The following ELF1 variants were observed in gnomAD, a reference collection of about 807,000 sequenced individuals.
ELF1 encodes the protein ETS-related transcription factor Elf-1.
A neutral mutation model predicts 59.9 loss-of-function variants in ELF1; 24 were observed. That is an observed-to-expected ratio of 0.40 (90% CI 0.29 to 0.56). ELF1 has a LOEUF of 0.56. Among genes scored for constraint, ELF1 ranks in the 20% least tolerant of loss-of-function variants. The pLI is 0.44. For synonymous variants in ELF1, 248 were observed against 266.2 expected (o/e 0.93, Z 0.67); for missense variants, 627 against 742.2 (o/e 0.84, Z 1.80).
chr13:40,972,296 A>G (rs1416628549), intron 2 of ELF1, among the ~76,000 whole-genome samples: 5 of 152,198 alleles, frequency 3.3e-5, no homozygotes, highest in African/African-American at 4.8e-5. Flanking sequence ...AAAAAAACTG[A>G]ACAACGCCAG....
Position 40,953,503 on chromosome 13 carries a change from T to A in ELF1, c.254-2067A>T, listed in dbSNP as rs139382967. 8.9e-3 allele frequency among the ~76,000 whole-genome samples: 1,349 copies of A among 152,236 alleles called. 16 individuals carry two copies. The highest frequency in any genetic ancestry group is 0.015 in the South Asian group (74 of 4,826). On this transcript the variant is annotated intron_variant, in intron 3 of 8. Coordinates refer to ENST00000239882, the MANE Select transcript of ELF1 (RefSeq NM_172373.4). ...CCATGTGAAGACACTGGAAGACAAG[T>A]CACCTATAAGTCCAGAAAGAAGCCT... is the stretch of plus-strand genomic sequence containing the variant.
chr13:40,953,447 A>G (rs1870990965), intron 3 of ELF1, among the ~76,000 whole-genome samples: 1 of 152,216 alleles, frequency 6.6e-6, no homozygotes. Context: ...CTAAGATGAA[A>G]TATGAACACT....
chr13:41,044,948 A>G (rs1204296373), intron 1 of ELF1, among the ~76,000 whole-genome samples: 1 of 152,076 alleles, frequency 6.6e-6, no homozygotes, highest in Admixed American at 6.5e-5. Context: ...TTGGTAGGCT[A>G]TTAATTATTT....
At chr13:41,052,975 T>G (rs987533175) in intron 1 of ELF1, among the ~76,000 whole-genome samples, 3 of 152,220 alleles carry the variant, frequency 2.0e-5, no homozygotes, top group African/African-American at 7.2e-5. Flanking sequence ...ATATTTACTT[T>G]GAAAAAGTTA....
intron 2 of ELF1, among the ~76,000 whole-genome samples, chr13:40,968,738 T>TA (rs1566175328): frequency 6.6e-6 from 1 of 151,464 alleles, no homozygotes; most frequent in African/African-American, 2.4e-5. Context: ...TTTTTTTTTT[T>TA]AGACAGGGTC....
At chr13:40,986,941 T>C (rs867032436) in intron 1 of ELF1, among the ~76,000 whole-genome samples, 7 of 145,810 alleles carry the variant, frequency 4.8e-5, no homozygotes, top group East Asian at 2.0e-4. Context: ...ATTGCTCTTT[T>C]TTTTTTTTTT....
chr13:40,995,026 C>T (rs566855545), intron 1 of ELF1, among the ~76,000 whole-genome samples: 2 of 152,252 alleles, frequency 1.3e-5, no homozygotes, highest in Admixed American at 1.3e-4. Flanking sequence ...TCCCCCACCT[C>T]CAATTCCCAC....
chr13:40,949,844 G>C lies in ELF1; in HGVS notation c.491C>G (p.Pro164Arg). Residue 164 changes from proline (P) to arginine (R), a missense_variant, in exon 5 of 9, where the codon CCG (proline) becomes CGG (arginine). By Grantham distance (103) the Pro-to-Arg change is moderately radical. Around this residue, in one of 3 missense-constraint regions of ELF1, gnomAD observed 232 missense variants for 269.2 expected, o/e 0.86. Transcript: ENST00000239882. ...AGGCTGTTCTGGTGATGAGGCTCCCGGTGAGTCTGCATATTTTTCTTGCAC... is the reference window on the plus strand; with the variant it reads ...AGGCTGTTCTGGTGATGAGGCTCCCCGTGAGTCTGCATATTTTTCTTGCAC... ...QQVQEKYADS[P>R]GASSPEQPKR... 1.2e-6 allele frequency: 2 copies of C among 1,613,954 alleles called. No homozygotes were observed. The highest frequency in any genetic ancestry group is 1.7e-5 in the Admixed American group (1 of 60,002).
chr13:40,933,486 T>C lies in ELF1; in HGVS notation c.1799A>G (p.Asn600Ser), dbSNP rs777380082. Residue 600 changes from asparagine (N) to serine (S), a missense_variant, in exon 9 of 9, where the codon AAT becomes AGT. Around this residue, in one of 3 missense-constraint regions of ELF1, gnomAD observed 361 missense variants for 396.1 expected, o/e 0.91. Coordinates refer to ENST00000239882, the MANE Select transcript of ELF1 (RefSeq NM_172373.4). ...CATAGCTACCTGAGAAGTAAATCCA[T>C]TGGAACTGGACACTACCATCACATA... ...QPYVMVVSSS[N>S]GFTSQVAMKQ... The C allele has an allele frequency of 1.1e-5, 18 of 1,614,118 alleles. No homozygotes were observed. Among genetic ancestry groups the C allele is most frequent in the Admixed American group, 5.0e-5 (3 of 60,010 alleles).
At chr13:40,997,333 C>T (rs1392048593) in intron 1 of ELF1, among the ~76,000 whole-genome samples, 1 of 152,140 alleles carries the variant, frequency 6.6e-6, no homozygotes, top group Non-Finnish European at 1.5e-5. Context: ...TCTCGGCTCA[C>T]TGCAACCTCC....
chr13:41,058,209 G>A (rs766200893), intron 1 of ELF1, among the ~76,000 whole-genome samples: 1 of 152,154 alleles, frequency 6.6e-6, no homozygotes, highest in African/African-American at 2.4e-5. Flanking sequence ...CTGTTACCTA[G>A]TCAAAATTTA....
intron 4 of ELF1, 45 bp downstream of exon 4, chr13:40,951,284 G>GT: frequency 7.0e-7 from 1 of 1,428,232 alleles, no homozygotes; most frequent in South Asian, 1.3e-5. Context: ...GATGGCAAGA[G>GT]TAACTTAACA....
chr13:41,018,975 T>C (rs1006457033), intron 1 of ELF1, among the ~76,000 whole-genome samples: 6 of 152,214 alleles, frequency 3.9e-5, no homozygotes, highest in African/African-American at 9.6e-5. Flanking sequence ...CCTCTTTTAT[T>C]CTTAAATTAC....
intron 1 of ELF1, among the ~76,000 whole-genome samples, chr13:40,988,980 T>G (rs1873699850): frequency 6.6e-6 from 1 of 152,134 alleles, no homozygotes; most frequent in South Asian, 2.1e-4. Flanking sequence ...GTAATTTCAG[T>G]AGAGACAGTG....
In ELF1 at chr13:40,958,965, C is replaced by T. The variant is rs772338917; in HGVS notation, c.124G>A (p.Ala42Thr). ...PAVIVEHVPG[A>T]DILNSYAGLA... Reference sequence around the variant, plus strand: ...CCGGCATAACTATTGAGAATATCAGCACCAGGAACATGTTCCACAATTACG... The same window carrying T: ...CCGGCATAACTATTGAGAATATCAGTACCAGGAACATGTTCCACAATTACG... Residue 42 changes from alanine to threonine, a missense_variant, in exon 3 of 9, where the codon GCT (alanine) becomes ACT (threonine). Transcript: ENST00000239882. The T allele has an allele frequency of 2.5e-5, 40 of 1,613,612 alleles. No individual in the cohort carries two copies. Among genetic ancestry groups the T allele is most frequent in the Non-Finnish European group, 3.3e-5 (39 of 1,179,790 alleles).
Position 41,012,736 on chromosome 13 carries a change from C to T in ELF1, c.-229+6492G>A, listed in dbSNP as rs79449340. Among the ~76,000 whole-genome samples, 1,280 of 151,230 alleles carry T rather than the reference C, an allele frequency of 8.5e-3. 9 individuals carry two copies. Among genetic ancestry groups the T allele is most frequent in the Middle Eastern group, 0.017 (5 of 294 alleles). The stretch of plus-strand genomic sequence containing the variant: ...CTTAAAAAAAAATTTTTTTTTTCTA[C>T]TTGTAGAGACAGGGTCTTGCTATGT... On this transcript the variant is annotated intron_variant, in intron 1 of 8. Coordinates refer to ENST00000239882, the MANE Select transcript of ELF1 (RefSeq NM_172373.4).
At chr13:40,962,147 T>G (rs1379281244) in intron 2 of ELF1, among the ~76,000 whole-genome samples, 2 of 152,210 alleles carry the variant, frequency 1.3e-5, no homozygotes, top group African/African-American at 4.8e-5. Flanking sequence ...CACAGTGCCC[T>G]TCCCAGAGGC....
chr13:40,988,269 A>G (rs1873660562), intron 1 of ELF1, among the ~76,000 whole-genome samples: 1 of 152,212 alleles, frequency 6.6e-6, no homozygotes, highest in Admixed American at 6.5e-5. Flanking sequence ...CAACATATTC[A>G]CTGAAAAGAA....
chr13:40,979,778 T>TA (rs1488287275), intron 2 of ELF1, among the ~76,000 whole-genome samples: 6 of 152,198 alleles, frequency 3.9e-5, no homozygotes, highest in African/African-American at 1.4e-4. Context: ...GACATTTTTC[T>TA]AAAAAAATTA....
Sources: gnomAD v4.1 joint callset for allele counts (sites outside exome capture counted in the v4.1 genomes callset) on GRCh38, gnomAD v4.1.1 for gene constraint, gnomAD v4.1.1 regional missense constraint, MANE v1.5 for transcripts, NCBI Gene and HGNC (gene_info 2026-07-23, HGNC 2026-07-21) for gene names.